The following MYO18B variants were observed in gnomAD, a reference collection of about 807,000 sequenced individuals.
MYO18B encodes the protein myosin XVIIIB, also known as unconventional myosin-XVIIIb.
Under a neutral mutation model 273.0 loss-of-function variants are expected in MYO18B, and 204 were observed. The ratio of observed to expected loss-of-function variants is 0.75; its 90% CI spans 0.67 to 0.84. The LOEUF is 0.84. MYO18B is among the 40% of genes least tolerant of loss of function. The pLI is 0.00. For synonymous variants in MYO18B, 1,330 were observed against 1,305.7 expected (o/e 1.02, Z -0.40); for missense variants, 3,212 against 3,287.6 (o/e 0.98, Z 0.56).
At chr22:25,770,851 C>T in intron 5 of MYO18B, 21 bp from the exon 6 acceptor site, 1 of 1,533,428 alleles carries the variant, frequency 6.5e-7, no homozygotes, top group South Asian at 1.2e-5. Flanking sequence ...TTCCCCTTCT[C>T]TCTCTGGGAT....
chr22:26,021,835 T>G (rs1935844496), intron 42 of MYO18B, among the ~76,000 whole-genome samples: 1 of 152,224 alleles, frequency 6.6e-6, no homozygotes, highest in East Asian at 1.9e-4. Flanking sequence ...GCCATCCGTT[T>G]GCTCTCTCCT....
At chr22:25,988,598 T>C (rs16981143) in intron 39 of MYO18B, among the ~76,000 whole-genome samples, 11,131 of 152,156 alleles carry the variant, frequency 0.073, 1,047 homozygotes, top group African/African-American at 0.21. Context: ...CTATGTAGGA[T>C]AGTGAAAAAT....
In MYO18B at chr22:25,935,687, C is replaced by G. The variant is rs114739720; in HGVS notation, c.5518-10450C>G. Among the ~76,000 whole-genome samples, 261 of 152,262 alleles carry G rather than the reference C, an allele frequency of 1.7e-3. 2 individuals are homozygous for G. The highest frequency in any genetic ancestry group is 5.9e-3 in the African/African-American group (245 of 41,548). On this transcript the variant is annotated intron_variant, in intron 34 of 43. Coordinates refer to ENST00000335473, the MANE Select transcript of MYO18B (RefSeq NM_032608.7). ...CTCCCAGAGTACCCTCCTTCTGGCT[C>G]TGAAGAAAGGTACCAGCTCGGGTAT... is the stretch of plus-strand genomic sequence containing the variant.
the MYO18B span, among the ~76,000 whole-genome samples, chr22:26,056,955 T>A: frequency 1.3e-5 from 2 of 151,982 alleles, no homozygotes; most frequent in African/African-American, 4.8e-5. Flanking sequence ...GTACACTGAG[T>A]CACAGAATAG....
intron 21 of MYO18B, among the ~76,000 whole-genome samples, chr22:25,860,319 T>G (rs1024672404): frequency 1.3e-5 from 2 of 152,162 alleles, no homozygotes; most frequent in Non-Finnish European, 2.9e-5. Flanking sequence ...TTCTCTGTTG[T>G]TTTTCTGTTT....
intron 34 of MYO18B, among the ~76,000 whole-genome samples, chr22:25,944,685 T>C (rs376040739): frequency 1.3e-5 from 2 of 151,828 alleles, no homozygotes; most frequent in African/African-American, 4.8e-5. Context: ...CCGTCTCTAC[T>C]AAAAAACAAA....
intron 30 of MYO18B, 133 bp from the exon 31 acceptor site, chr22:25,903,498 G>A: frequency 2.3e-6 from 2 of 881,022 alleles, no homozygotes; most frequent in Non-Finnish European, 3.5e-6. Flanking sequence ...GGACGGTGGG[G>A]TCCAGGTGGA....
In MYO18B at chr22:26,027,072, C is replaced by T; in HGVS notation, c.7098C>T (p.Ser2366=). The change falls in exon 43 of 44, where the codon AGC becomes AGT. Residue 2366 remains serine, a synonymous_variant. Transcript: ENST00000335473. This position sits in a 1 kb window ranked among gnomAD's most constrained non-coding sequence, Gnocchi z 4.1. ...GACCGAGCATGGGGAGAAAACTGAG[C>T]TCTCCGACCACACCCAGGGACATGC... The part of the protein sequence containing the change: ...ESRPSMGRKL[S]SPTTPRDMLL... 6.2e-7 allele frequency: 1 copy of T among 1,614,006 alleles called. No homozygotes were observed.
chr22:26,033,661 A>G (rs780674212), downstream of MYO18B, among the ~76,000 whole-genome samples: 4 of 151,722 alleles, frequency 2.6e-5, no homozygotes, highest in Non-Finnish European at 5.9e-5. Context: ...AAATCCCCCA[A>G]CCCAACACAG....
chr22:26,061,845 C>T, the MYO18B span, among the ~76,000 whole-genome samples: 5 of 151,960 alleles, frequency 3.3e-5, no homozygotes, highest in East Asian at 3.9e-4. Flanking sequence ...AATCTTGGCC[C>T]TTCCTAGCCC....
At position 25,789,146 on chromosome 22, in the gene MYO18B, C is replaced by G. The variant is rs570290384; in HGVS notation, c.2376+3655C>G. Among the ~76,000 whole-genome samples the G allele has an allele frequency of 2.0e-5, 3 of 146,994 alleles. No homozygotes were observed. In the South Asian group the frequency reaches 6.6e-4, roughly 32 times the overall value. ...TCCTCTTCCTCCTCCTCCTCCTCCT[C>G]CATCATCAAGGATGGCAGCATTGGG... On this transcript the variant is annotated intron_variant, in intron 11 of 43. Transcript: ENST00000335473.
intron 36 of MYO18B, among the ~76,000 whole-genome samples, chr22:25,949,086 A>G (rs887102430): frequency 1.3e-5 from 2 of 152,130 alleles, no homozygotes; most frequent in African/African-American, 4.8e-5. Context: ...AGAGGCTGTT[A>G]TGAGATTGGG....
At chr22:25,877,864 C>T (rs1569142416) in intron 24 of MYO18B, 95 bp from the exon 25 acceptor site, 12 of 879,420 alleles carry the variant, frequency 1.4e-5, no homozygotes, top group Non-Finnish European at 2.0e-5. Flanking sequence ...TTTATTCCTC[C>T]TAACGGAAAC....
chr22:25,992,790 C>G (rs1434825586), intron 40 of MYO18B, among the ~76,000 whole-genome samples: 2 of 152,166 alleles, frequency 1.3e-5, no homozygotes, highest in Non-Finnish European at 1.5e-5. Flanking sequence ...CAATCTTGGC[C>G]TAATTCTCTC....
At position 25,849,008 on chromosome 22, in the gene MYO18B, A is replaced by G. The variant is rs187073985; in HGVS notation, c.3775+1356A>G. On this transcript the variant is annotated intron_variant, in intron 20 of 43. Coordinates refer to ENST00000335473, the MANE Select transcript of MYO18B (RefSeq NM_032608.7). ...GACCCTCACTCCGCTGAGCATATCA[A>G]TGATTTTCCCTCCCACCCGCACAGC... Among the ~76,000 whole-genome samples, 21 of 152,356 alleles carry G rather than the reference A, an allele frequency of 1.4e-4. No individual in the cohort carries two copies. The East Asian group carries it at 1.9e-3, about 14-fold the overall frequency.
At chr22:25,838,379 T>C (rs1239396140) in intron 17 of MYO18B, among the ~76,000 whole-genome samples, 1 of 152,028 alleles carries the variant, frequency 6.6e-6, no homozygotes, top group African/African-American at 2.4e-5. Flanking sequence ...TTTGTATTTT[T>C]AATAGAGATG....
chr22:26,061,350 C>T, the MYO18B span, among the ~76,000 whole-genome samples: 1 of 152,174 alleles, frequency 6.6e-6, no homozygotes, highest in Non-Finnish European at 1.5e-5. Flanking sequence ...GACCCTGAAT[C>T]CTGGCCATAG....
chr22:25,788,332 A>G (rs1220353346), intron 11 of MYO18B, among the ~76,000 whole-genome samples: 1 of 152,254 alleles, frequency 6.6e-6, no homozygotes, highest in Non-Finnish European at 1.5e-5. Flanking sequence ...ATGTCCCCCA[A>G]TAATGGGAGT....
chr22:26,004,595 C>T (rs1934273761), intron 41 of MYO18B, 123 bp from the exon 42 acceptor site: 30 of 1,140,548 alleles, frequency 2.6e-5, no homozygotes, highest in African/African-American at 4.7e-5. Context: ...TCTGGGATGG[C>T]GAGTGAGGTT....
Sources: allele counts gnomAD v4.1 joint callset (sites outside exome capture counted in the v4.1 genomes callset), GRCh38; gene constraint gnomAD v4.1.1; non-coding constraint Gnocchi (gnomAD v3.1); transcripts MANE v1.5; gene names NCBI Gene and HGNC (gene_info 2026-07-23, HGNC 2026-07-21).